LSAMP: variants seen among roughly 807,000 people sequenced by gnomAD.
LSAMP encodes limbic system-associated membrane protein.
A neutral mutation model predicts 38.6 loss-of-function variants in LSAMP; 7 were observed. The ratio of observed to expected loss-of-function variants is 0.18; its 90% CI spans 0.10 to 0.34. The LOEUF (loss-of-function observed/expected upper bound fraction) is 0.34. Among genes scored for constraint, LSAMP ranks in the 10% least tolerant of loss-of-function variants. The probability of loss-of-function intolerance (pLI) is 1.00; values close to 1 mark genes in which losing one functional copy is unlikely to be tolerated. For synonymous variants in LSAMP, 154 were observed against 166.8 expected (o/e 0.92, Z 0.59); for missense variants, 313 against 420.0 (o/e 0.75, Z 2.23).
intron 1 of LSAMP, among the ~76,000 whole-genome samples, chr3:116,269,114 ACACCAAG>A (rs1434191576): frequency 6.6e-6 from 1 of 151,994 alleles, no homozygotes; most frequent in East Asian, 1.9e-4. Context: ...CCCCTCCCAC[ACACCAAG>A]CACAAAACGC....
chr3:115,889,842 C>T (rs966001025), intron 3 of LSAMP, among the ~76,000 whole-genome samples: 5 of 151,958 alleles, frequency 3.3e-5, no homozygotes, highest in African/African-American at 1.2e-4. Context: ...GCTTCCATCA[C>T]TACTAAAACA....
chr3:115,808,115 TCCCTCCCTCCCTCCCTC>T lies in LSAMP; in HGVS notation c.*2185_*2201del, dbSNP rs1933678202. ...CTTCCTTCCTTCCTTCCTTCCTCCC[TCCCTCCCTCCCTCCCTC>T]CCTCCCTCCCTCCCTCCCCCCCTTC... On this transcript the variant is annotated 3_prime_UTR_variant, in exon 7 of 7. Transcript: ENST00000490035. The T allele has an allele frequency of 2.1e-5, 1 of 47,022 alleles. No homozygotes were observed. The highest frequency in any genetic ancestry group is 1.2e-3 in the South Asian group (1 of 824). 2.9% of individuals were successfully genotyped at this position (47,022 alleles called of 1,614,324 possible). A position where few individuals can be genotyped will look rare whatever the true frequency, so the allele number is the denominator to read the frequency against.
intron 3 of LSAMP, among the ~76,000 whole-genome samples, chr3:115,927,956 T>A (rs944320176): frequency 1.3e-5 from 2 of 152,228 alleles, no homozygotes; most frequent in African/African-American, 4.8e-5. Flanking sequence ...TACTTTTAAA[T>A]TTCATTTACT....
At chr3:115,937,141 C>T (rs2107550892) in intron 3 of LSAMP, among the ~76,000 whole-genome samples, 1 of 152,178 alleles carries the variant, frequency 6.6e-6, no homozygotes, top group Non-Finnish European at 1.5e-5. Context: ...AAAACATGTG[C>T]TCTATCTGTC....
chr3:116,228,361 C>G (rs1320311778), intron 1 of LSAMP, among the ~76,000 whole-genome samples: 1 of 152,104 alleles, frequency 6.6e-6, no homozygotes, highest in Admixed American at 6.5e-5. Flanking sequence ...AGAATAATCA[C>G]AACTCAGCCT....
chr3:116,412,638 G>A (rs1695704864), intron 1 of LSAMP, among the ~76,000 whole-genome samples: 1 of 152,076 alleles, frequency 6.6e-6, no homozygotes, highest in African/African-American at 2.4e-5. Flanking sequence ...GTCGAAGAAA[G>A]CTGTCACATC....
At chr3:115,852,645 T>C in intron 3 of LSAMP, 28 bp from the exon 4 acceptor site, 1 of 1,599,784 alleles carries the variant, frequency 6.3e-7, no homozygotes, top group Non-Finnish European at 8.5e-7. Context: ...TCATGATTCT[T>C]TTTTAAAGTC....
intron 2 of LSAMP, among the ~76,000 whole-genome samples, chr3:116,047,079 C>A (rs1213663918): frequency 6.6e-6 from 1 of 152,162 alleles, no homozygotes; most frequent in African/African-American, 2.4e-5. Flanking sequence ...CAGTTCCTAT[C>A]CTTTGGGACA....
intron 1 of LSAMP, among the ~76,000 whole-genome samples, chr3:116,142,461 G>T (rs1440263952): frequency 1.3e-5 from 2 of 151,944 alleles, no homozygotes; most frequent in African/African-American, 4.8e-5. Flanking sequence ...GTGCAATTCC[G>T]GAGTTAAGAA....
At chr3:116,308,965 C>G (rs1018982026) in intron 1 of LSAMP, among the ~76,000 whole-genome samples, 3 of 152,046 alleles carry the variant, frequency 2.0e-5, no homozygotes, top group Non-Finnish European at 4.4e-5. Flanking sequence ...GCCTATAATT[C>G]TTCGACAACA....
intron 3 of LSAMP, among the ~76,000 whole-genome samples, chr3:116,013,312 G>A (rs1259231182): frequency 6.6e-6 from 1 of 152,182 alleles, no homozygotes; most frequent in Non-Finnish European, 1.5e-5. Flanking sequence ...TAAAGTTTGG[G>A]TTGTGGAGGC....
chr3:116,291,792 C>T (rs1218489074), intron 1 of LSAMP, among the ~76,000 whole-genome samples: 1 of 152,150 alleles, frequency 6.6e-6, no homozygotes, highest in Non-Finnish European at 1.5e-5. Context: ...ATTTGTAAAA[C>T]AGACACATCC....
intron 3 of LSAMP, among the ~76,000 whole-genome samples, chr3:116,004,174 C>T (rs1221961374): frequency 6.6e-6 from 1 of 152,008 alleles, no homozygotes; most frequent in Non-Finnish European, 1.5e-5. Flanking sequence ...ACGTTCAGGG[C>T]TTCAATATAA....
At position 116,168,762 on chromosome 3, in the gene LSAMP, G is replaced by A. The variant is rs191911305; in HGVS notation, c.156-82206C>T. On this transcript the variant is annotated intron_variant, in intron 1 of 6. Coordinates refer to ENST00000490035, the MANE Select transcript of LSAMP (RefSeq NM_002338.5). ...ATTAATGCTTAGGATAAATCAAGGA[G>A]CTATTATGGATTAGATATTGGTAGG... Among the ~76,000 whole-genome samples the A allele has an allele frequency of 1.4e-3, 206 of 152,272 alleles. 1 individual carries two copies. Among genetic ancestry groups the A allele is most frequent in the Admixed American group, 0.011 (166 of 15,282 alleles).
intron 1 of LSAMP, among the ~76,000 whole-genome samples, chr3:116,336,219 T>C (rs2047918125): frequency 1.3e-5 from 2 of 151,932 alleles, no homozygotes; most frequent in Non-Finnish European, 2.9e-5. Flanking sequence ...ATCTTGGCTA[T>C]GACACCAAAG....
At chr3:116,223,227 C>T (rs1015751111) in intron 1 of LSAMP, among the ~76,000 whole-genome samples, 11 of 152,114 alleles carry the variant, frequency 7.2e-5, no homozygotes, top group African/African-American at 2.2e-4. Flanking sequence ...CAGTATATGA[C>T]ACTTTGAATA....
At chr3:115,917,893 A>T (rs1400555865) in intron 3 of LSAMP, among the ~76,000 whole-genome samples, 1 of 152,238 alleles carries the variant, frequency 6.6e-6, no homozygotes, top group Non-Finnish European at 1.5e-5. Flanking sequence ...TATAAAAATT[A>T]TCTCTGTCCT....
chr3:116,044,346 G>A (rs183240782), intron 2 of LSAMP, among the ~76,000 whole-genome samples: 1 of 152,190 alleles, frequency 6.6e-6, no homozygotes, highest in African/African-American at 2.4e-5. Flanking sequence ...GTTTGTTTGT[G>A]TAATTCTTGT....
At position 115,852,591 on chromosome 3, in the gene LSAMP, ATTC is replaced by A. The variant is rs1468420064; in HGVS notation, c.538_540del (p.Glu180del). ...CTGGTGATGCCAAGGATCTCCAGATATTCTTCTTCTCCTTCAAATTCCCTTCCT... is the reference window on the plus strand; with the variant it reads ...CTGGTGATGCCAAGGATCTCCAGATATTCTTCTCCTTCAAATTCCCTTCCT... On this transcript the variant is annotated inframe_deletion, in exon 4 of 7. Coordinates refer to ENST00000490035, the MANE Select transcript of LSAMP (RefSeq NM_002338.5). 6 of 1,612,570 alleles carry A rather than the reference ATTC, an allele frequency of 3.7e-6. No homozygotes were observed. Among genetic ancestry groups the A allele is most frequent in the South Asian group, 2.2e-5 (2 of 90,674 alleles).
Sources: allele counts gnomAD v4.1 joint callset (sites outside exome capture counted in the v4.1 genomes callset), GRCh38; gene constraint gnomAD v4.1.1; transcripts MANE v1.5; gene names NCBI Gene and HGNC (gene_info 2026-07-23, HGNC 2026-07-21).